The following RNF125 variants were observed in gnomAD, a reference collection of about 807,000 sequenced individuals.
RNF125 encodes the protein E3 ubiquitin-protein ligase RNF125.
In RNF125, 21 loss-of-function variants were observed where a neutral mutation model predicts 26.0. That is an observed-to-expected ratio of 0.81 (90% confidence interval 0.57 to 1.16). RNF125 has a LOEUF of 1.16. RNF125 is among the 50% of genes most tolerant of loss of function. The pLI, the probability that RNF125 is intolerant of heterozygous loss-of-function variation, is 0.00. For synonymous variants in RNF125, 95 were observed against 109.2 expected (o/e 0.87, Z 0.81); for missense variants, 270 against 299.4 (o/e 0.90, Z 0.72).
chr18:32,043,562 A>G (rs2039239850), intron 3 of RNF125, among the ~76,000 whole-genome samples: 1 of 152,210 alleles, frequency 6.6e-6, no homozygotes, highest in African/African-American at 2.4e-5. Context: ...CAGAGTATGG[A>G]TCCTGTTAGA....
chr18:32,039,693 C>G (rs1204862316), intron 2 of RNF125, among the ~76,000 whole-genome samples: 1 of 151,766 alleles, frequency 6.6e-6, no homozygotes, highest in African/African-American at 2.4e-5. Context: ...AGGATTCTCT[C>G]AATTAACTTG....
At chr18:32,037,698 T>C (rs939749170) in intron 2 of RNF125, among the ~76,000 whole-genome samples, 6 of 152,112 alleles carry the variant, frequency 3.9e-5, no homozygotes, top group African/African-American at 9.7e-5. Context: ...GAAACCTTCC[T>C]GTCTTACAAG....
chr18:32,081,461 G>A, the RNF125 span, among the ~76,000 whole-genome samples: 1 of 151,980 alleles, frequency 6.6e-6, no homozygotes, highest in African/African-American at 2.4e-5. Flanking sequence ...TTCACCCACT[G>A]GTCTCTCTCC....
chr18:32,087,180 TCG>T, the RNF125 span, among the ~76,000 whole-genome samples: 1 of 152,034 alleles, frequency 6.6e-6, no homozygotes, highest in Non-Finnish European at 1.5e-5. Flanking sequence ...ATACCAGTAA[TCG>T]TGTTTCTCTG....
At chr18:32,047,775 ATATAT>A (rs1158542907) in intron 4 of RNF125, among the ~76,000 whole-genome samples, 4 of 152,170 alleles carry the variant, frequency 2.6e-5, no homozygotes, top group African/African-American at 9.7e-5. Context: ...TAAAACATAA[ATATAT>A]TAGACAGGTA....
chr18:32,051,532 G>T (rs113978308), intron 4 of RNF125, among the ~76,000 whole-genome samples: 13,603 of 149,630 alleles, frequency 0.091, 2,024 homozygotes, highest in African/African-American at 0.31. Flanking sequence ...CAGGAATCGC[G>T]TGAACCCAGG....
At chr18:32,022,831 C>T (rs1209394443) in intron 1 of RNF125, among the ~76,000 whole-genome samples, 1 of 151,324 alleles carries the variant, frequency 6.6e-6, no homozygotes, top group Non-Finnish European at 1.5e-5. Context: ...TCTACAGATG[C>T]AAGTCTCCTC....
At position 32,018,867 on chromosome 18, in the gene RNF125, G is replaced by A; in HGVS notation, c.4G>A (p.Gly2Ser). The change falls in exon 1 of 6, where the codon GGC becomes AGC. Residue 2 changes from glycine (G) to serine (S), a missense_variant. By Grantham distance (56) the Gly-to-Ser change is moderately conservative. Transcript: ENST00000217740. M[G>S]SVLSTDSGKS... ...TGTCTGGGCGAGAGGCACAGCGATGGGCTCCGTGCTGAGCACCGACAGCGG... is the reference window on the plus strand; with the variant it reads ...TGTCTGGGCGAGAGGCACAGCGATGAGCTCCGTGCTGAGCACCGACAGCGG... The A allele has an allele frequency of 6.3e-7, 1 of 1,575,386 alleles. No homozygotes were observed. Among genetic ancestry groups the A allele is most frequent in the East Asian group, 2.3e-5 (1 of 42,770 alleles).
chr18:32,065,810 C>T (rs576145227), intron 4 of RNF125, 92 bp from the exon 5 acceptor site: 24 of 866,284 alleles, frequency 2.8e-5, no homozygotes, highest in South Asian at 2.2e-4. Flanking sequence ...GGATTACAGG[C>T]GTAAGCCACC....
Position 32,037,170 on chromosome 18 carries a change from T to C in RNF125, c.219T>C (p.Pro73=). ...TAAAGAACAACAAGTGGACCTGTCCTTATTGCCGGGCATATCTTCCTTCAG... is the reference window on the plus strand; with the variant it reads ...TAAAGAACAACAAGTGGACCTGTCCCTATTGCCGGGCATATCTTCCTTCAG... ...TSLKNNKWTC[P]YCRAYLPSEG... Residue 73 remains proline (P), a synonymous_variant, in exon 2 of 6, where the codon CCT becomes CCC. Coordinates refer to ENST00000217740, the MANE Select transcript of RNF125 (RefSeq NM_017831.4). 2 of 1,607,932 alleles carry C rather than the reference T, an allele frequency of 1.2e-6. No homozygotes were observed. The highest frequency in any genetic ancestry group is 1.7e-6 in the Non-Finnish European group (2 of 1,177,856).
intron 1 of RNF125, among the ~76,000 whole-genome samples, chr18:32,024,840 G>C (rs2039017950): frequency 6.6e-6 from 1 of 152,136 alleles, no homozygotes; most frequent in Non-Finnish European, 1.5e-5. Flanking sequence ...CAGCACTTTG[G>C]GAGGCCGAGG....
chr18:32,085,700 CAAA>C, the RNF125 span, among the ~76,000 whole-genome samples: 91 of 62,754 alleles, frequency 1.5e-3, no homozygotes, highest in African/African-American at 5.5e-3. Flanking sequence ...AACGACTTAT[CAAA>C]AAAAAAAAAA....
chr18:32,034,787 C>T (rs1393882748), intron 1 of RNF125, among the ~76,000 whole-genome samples: 1 of 151,276 alleles, frequency 6.6e-6, no homozygotes. Flanking sequence ...TGGTGGTGCA[C>T]ACCCGCAATC....
the RNF125 span, among the ~76,000 whole-genome samples, chr18:32,085,929 C>G: frequency 6.6e-6 from 1 of 151,990 alleles, no homozygotes; most frequent in Non-Finnish European, 1.5e-5. Flanking sequence ...TCAGATACTT[C>G]CAACTACAAA....
At chr18:32,074,885 A>G (rs2039559496), downstream of RNF125, among the ~76,000 whole-genome samples, 1 of 152,186 alleles carries the variant, frequency 6.6e-6, no homozygotes, top group Admixed American at 6.5e-5. Flanking sequence ...AAAGTTTGGG[A>G]TTATTTTACA....
chr18:32,045,654 CT>C lies in RNF125; in HGVS notation c.430del (p.Cys144ValfsTer32). The C allele has an allele frequency of 4.3e-6, 7 of 1,610,200 alleles. No homozygotes were observed. The highest frequency in any genetic ancestry group is 5.9e-6 in the Non-Finnish European group (7 of 1,178,048). On this transcript the variant is annotated frameshift_variant, in exon 4 of 6. Coordinates refer to ENST00000217740, the MANE Select transcript of RNF125 (RefSeq NM_017831.4). LOFTEE classifies it high-confidence loss of function. ...EETAARCVCP[F>X]CQRELYEDSL... ...GTGCTATTTCCAGGTGTGTATGTCC[CT>C]TTTGTCAGAGGGAACTGTATGAAGA... is the stretch of plus-strand genomic sequence containing the variant.
At chr18:32,044,081 ACT>A (rs2039245345) in intron 3 of RNF125, among the ~76,000 whole-genome samples, 1 of 151,734 alleles carries the variant, frequency 6.6e-6, no homozygotes, top group Admixed American at 6.6e-5. Context: ...ATCTTGGCTC[ACT>A]GCAACCTCTG....
At chr18:32,034,923 C>T (rs1407226092) in intron 1 of RNF125, among the ~76,000 whole-genome samples, 1 of 146,458 alleles carries the variant, frequency 6.8e-6, no homozygotes, top group African/African-American at 2.5e-5. Context: ...AAAAAATTAC[C>T]ATACAATAAC....
Position 32,070,704 on chromosome 18 carries a change from A to AC in RNF125, c.*2320_*2321insC, listed in dbSNP as rs1555694907. On this transcript the variant is annotated 3_prime_UTR_variant, in exon 6 of 6. Coordinates refer to ENST00000217740, the MANE Select transcript of RNF125 (RefSeq NM_017831.4). ...CATTTGCTTTTCTCATTCTTTCCCA[A>AC]TTTTTTTTTTTTTTTGAGATGGAGT... 6.9e-6 allele frequency: 1 copy of AC among 145,758 alleles called. No individual in the cohort carries two copies. Among genetic ancestry groups the AC allele is most frequent in the African/African-American group, 2.5e-5 (1 of 39,798 alleles). The allele number at this position is 145,758 out of a possible 1,614,324, so 9.0% of individuals were successfully genotyped here.
Sources: gnomAD v4.1 joint callset for allele counts (sites outside exome capture counted in the v4.1 genomes callset) on GRCh38, gnomAD v4.1.1 for gene constraint, MANE v1.5 for transcripts, NCBI Gene and HGNC (gene_info 2026-07-23, HGNC 2026-07-21) for gene names.